Variants in PSMD12 observed in about 807,000 individuals in gnomAD.
PSMD12 encodes proteasome 26S subunit, non-ATPase 12.
Under a neutral mutation model 62.9 loss-of-function variants are expected in PSMD12, and 8 were observed. The observed-to-expected ratio is 0.13, with a 90% CI of 0.07 to 0.23. The LOEUF (loss-of-function observed/expected upper bound fraction) is 0.23, where lower values mean the gene tolerates loss of function less well. Among genes scored for constraint, PSMD12 ranks in the 10% least tolerant of loss-of-function variants. The pLI, the probability that PSMD12 is intolerant of heterozygous loss-of-function variation, is 1.00. For synonymous variants in PSMD12, 173 were observed against 187.4 expected (o/e 0.92, Z 0.63); for missense variants, 424 against 550.2 (o/e 0.77, Z 2.29).
rs201685625 is a variant in PSMD12, at chr17:67,345,772, T to C, written c.881A>G (p.Lys294Arg). The C allele has an allele frequency of 1.3e-4, 210 of 1,611,946 alleles. No homozygotes were observed. The highest frequency in any genetic ancestry group is 1.8e-4 in the Admixed American group (11 of 60,026). The change falls in exon 8 of 11, where the codon AAG becomes AGG. Residue 294 changes from lysine (K) to arginine (R), a missense_variant. Physicochemically the swap from Lys to Arg is conservative, Grantham distance 26 (BLOSUM62 2). Coordinates refer to ENST00000356126, the MANE Select transcript of PSMD12 (RefSeq NM_002816.5). ...GTATTTGGGAATTTCTTCTAACTTC[T>C]TGTCACCACTTATTCGGTGAACCAA... is the stretch of plus-strand genomic sequence containing the variant. ...SDLVHRISGD[K>R]KLEEIPKYKD...
At position 67,339,977 on chromosome 17, in the gene PSMD12, T is replaced by G. The variant is rs1004012527; in HGVS notation, c.*866A>C. 10 of 151,346 alleles carry G rather than the reference T, an allele frequency of 6.6e-5. No homozygotes were observed. The highest frequency in any genetic ancestry group is 2.4e-4 in the African/African-American group (10 of 41,200). The allele number at this position is 151,346 out of a possible 1,614,324, so 9.4% of individuals were successfully genotyped here. A position where few individuals can be genotyped will look rare whatever the true frequency, so the allele number is the denominator to read the frequency against. On this transcript the variant is annotated 3_prime_UTR_variant, in exon 11 of 11. Coordinates refer to ENST00000356126, the MANE Select transcript of PSMD12 (RefSeq NM_002816.5). The stretch of plus-strand genomic sequence containing the variant: ...AAAAGTTCCTACAGAGATAATGAAT[T>G]TGGAACAATAATGATGTAATCAGAC...
Position 67,340,803 on chromosome 17 carries a change from T to G in PSMD12, c.*40A>C, listed in dbSNP as rs776129051. The G allele has an allele frequency of 6.8e-7, 1 of 1,461,060 alleles. No individual in the cohort carries two copies. Among genetic ancestry groups the G allele is most frequent in the African/African-American group, 1.5e-5 (1 of 67,694 alleles). 90.5% of individuals were successfully genotyped at this position (1,461,060 alleles called of 1,614,324 possible). ...CACCATTATAACAGTCTTTTTTTAATGACTTCCAATTTTAACTTTTTTCTA... is the reference window on the plus strand; with the variant it reads ...CACCATTATAACAGTCTTTTTTTAAGGACTTCCAATTTTAACTTTTTTCTA... On this transcript the variant is annotated 3_prime_UTR_variant, in exon 11 of 11. Transcript: ENST00000356126.
intron 9 of PSMD12, 114 bp from the exon 10 acceptor site, chr17:67,342,377 A>AT (rs2041923398): frequency 4.3e-6 from 3 of 689,984 alleles, no homozygotes; most frequent in Non-Finnish European, 7.5e-6. Flanking sequence ...CAGAGCTTTT[A>AT]TTTTTCTACA....
At chr17:67,361,904 AAAAAAG>A (rs1567961732) in intron 1 of PSMD12, among the ~76,000 whole-genome samples, 14 of 89,592 alleles carry the variant, frequency 1.6e-4, no homozygotes, top group Admixed American at 2.4e-4. Flanking sequence ...AAAAAAAAAA[AAAAAAG>A]GAAGGAAGGA....
intron 1 of PSMD12, among the ~76,000 whole-genome samples, chr17:67,364,936 C>A (rs1357504903): frequency 6.6e-6 from 1 of 152,150 alleles, no homozygotes; most frequent in East Asian, 1.9e-4. Flanking sequence ...GTAATCCCAG[C>A]ACTTTGGCAG....
intron 9 of PSMD12, among the ~76,000 whole-genome samples, chr17:67,344,046 T>C (rs1054883606): frequency 2.0e-5 from 3 of 152,146 alleles, no homozygotes; most frequent in African/African-American, 7.2e-5. Flanking sequence ...CCTGGTGCTT[T>C]GTAAAGTGTC....
intron 3 of PSMD12, among the ~76,000 whole-genome samples, chr17:67,356,555 C>A (rs1478350629): frequency 7.1e-5 from 1 of 14,116 alleles, no homozygotes; most frequent in Non-Finnish European, 1.7e-4. Flanking sequence ...GAGACTCCGT[C>A]TCAAAAAAAA....
chr17:67,366,310 G>C (rs370902504), intron 1 of PSMD12, 102 bp downstream of exon 1: 47 of 1,126,426 alleles, frequency 4.2e-5, no homozygotes, highest in African/African-American at 7.7e-5. Context: ...ACAGGCATTG[G>C]GGGGTGCACG....
chr17:67,346,974 A>G (rs2041972958), intron 7 of PSMD12, 142 bp downstream of exon 7: 1 of 808,636 alleles, frequency 1.2e-6, no homozygotes, highest in South Asian at 3.0e-5. Flanking sequence ...GGACTGAATC[A>G]GTAATATACT....
intron 5 of PSMD12, 130 bp downstream of exon 5, chr17:67,348,420 G>A (rs2041987974): frequency 1.4e-6 from 1 of 737,970 alleles, no homozygotes; most frequent in Non-Finnish European, 2.3e-6. Context: ...CCATTCACAG[G>A]CTTTCAATCA....
At chr17:67,345,288 C>T (rs920810721) in intron 8 of PSMD12, among the ~76,000 whole-genome samples, 1 of 152,148 alleles carries the variant, frequency 6.6e-6, no homozygotes, top group Non-Finnish European at 1.5e-5. Flanking sequence ...AAAAAAAATT[C>T]CACCACGTTA....
Position 67,354,082 on chromosome 17 carries a change from T to C in PSMD12, c.297+3221A>G, listed in dbSNP as rs1437980787. Among the ~76,000 whole-genome samples, 8 of 152,354 alleles carry C rather than the reference T, an allele frequency of 5.3e-5. No homozygotes were observed. The East Asian group carries it at 1.5e-3, about 29-fold the overall frequency. On this transcript the variant is annotated intron_variant, in intron 3 of 10. Coordinates refer to ENST00000356126, the MANE Select transcript of PSMD12 (RefSeq NM_002816.5). The stretch of plus-strand genomic sequence containing the variant: ...GCATGTCTCTTCACATTCCAAGCAC[T>C]TTACATAAAAATACGTTTCTCCATT...
chr17:67,349,855 G>A (rs981609139), intron 4 of PSMD12, among the ~76,000 whole-genome samples: 1 of 152,072 alleles, frequency 6.6e-6, no homozygotes, highest in African/African-American at 2.4e-5. Flanking sequence ...ACCAATTACA[G>A]CTTCCTACAT....
chr17:67,363,051 T>C (rs893553132), intron 1 of PSMD12, among the ~76,000 whole-genome samples: 1 of 152,262 alleles, frequency 6.6e-6, no homozygotes, highest in African/African-American at 2.4e-5. Flanking sequence ...TTAAAGGATC[T>C]ACATTTGGCA....
In PSMD12 at chr17:67,342,268, G is replaced by A; in HGVS notation, c.1084-5C>T. 6.5e-7 allele frequency: 1 copy of A among 1,549,096 alleles called. No individual in the cohort carries two copies. The highest frequency in any genetic ancestry group is 8.9e-7 in the Non-Finnish European group (1 of 1,122,556). Reference sequence around the variant, plus strand: ...CTTGGCCATTATTCTAATATTCTGGGGAGAGGATAGAGAGCAGGGAGAACA... The same window carrying A: ...CTTGGCCATTATTCTAATATTCTGGAGAGAGGATAGAGAGCAGGGAGAACA... On this transcript the variant is annotated splice_region_variant and splice_polypyrimidine_tract_variant and intron_variant, in intron 9 of 10. Transcript: ENST00000356126.
chr17:67,349,449 T>C (rs1407972201), intron 4 of PSMD12, among the ~76,000 whole-genome samples: 1 of 152,204 alleles, frequency 6.6e-6, no homozygotes, highest in Non-Finnish European at 1.5e-5. Flanking sequence ...TAAGAAAATG[T>C]CTCTATAAAA....
chr17:67,347,230 A>G lies in PSMD12; in HGVS notation c.681T>C (p.Tyr227=), dbSNP rs768824709. Residue 227 remains tyrosine, a synonymous_variant, in exon 7 of 11, where the codon TAT becomes TAC. Coordinates refer to ENST00000356126, the MANE Select transcript of PSMD12 (RefSeq NM_002816.5). The part of the protein sequence containing the change: ...ENTEKLKLKY[Y]NLMIQLDQHE... ...GTTGATCCAGCTGAATCATTAAATT[A>G]TAGTACTTCAACTTTAATTTCTGCA... 3.1e-6 allele frequency: 5 copies of G among 1,613,466 alleles called. No individual in the cohort carries two copies. The East Asian group carries it at 1.1e-4, about 36-fold the overall frequency.
intron 3 of PSMD12, among the ~76,000 whole-genome samples, chr17:67,354,653 T>C (rs2042049973): frequency 1.3e-5 from 2 of 152,180 alleles, no homozygotes; most frequent in South Asian, 2.1e-4. Flanking sequence ...TGTCTAATAA[T>C]TGTCTCTCAA....
chr17:67,341,072 A>C lies in PSMD12; in HGVS notation c.1162-20T>G. On this transcript the variant is annotated intron_variant, in intron 10 of 10. Transcript: ENST00000356126. ...GGACTCCTGCAAGAGAGAAAGATAA[A>C]TTGGATTAAGACAGGATAAATTACA... The C allele has an allele frequency of 6.6e-7, 1 of 1,509,956 alleles. No individual in the cohort carries two copies. The highest frequency in any genetic ancestry group is 8.9e-7 in the Non-Finnish European group (1 of 1,122,724). The allele number at this position is 1,509,956 out of a possible 1,614,324, so 93.5% of individuals were successfully genotyped here.
Sources: allele counts gnomAD v4.1 joint callset (sites outside exome capture counted in the v4.1 genomes callset), GRCh38; gene constraint gnomAD v4.1.1; transcripts MANE v1.5; gene names NCBI Gene and HGNC (gene_info 2026-07-23, HGNC 2026-07-21).